Variants in CTNND2 observed in about 807,000 individuals in gnomAD.
CTNND2 encodes catenin delta-2.
Under a neutral mutation model 144.4 loss-of-function variants are expected in CTNND2, and 22 were observed. The observed-to-expected ratio is 0.15, with a 90% CI of 0.11 to 0.22. CTNND2 has a LOEUF of 0.22. Ranked by LOEUF, CTNND2 falls within the 10% of genes least tolerant of loss-of-function variation. The pLI is 1.00. For synonymous variants in CTNND2, 751 were observed against 695.6 expected (o/e 1.08, Z -1.25); for missense variants, 1,353 against 1,618.8 (o/e 0.84, Z 2.82).
At chr5:11,443,625 G>C (rs1413645685) in intron 3 of CTNND2, among the ~76,000 whole-genome samples, 2 of 152,060 alleles carry the variant, frequency 1.3e-5, no homozygotes, top group African/African-American at 2.4e-5. Flanking sequence ...CTTAAGGTAT[G>C]TATGGTTACC....
intron 1 of CTNND2, among the ~76,000 whole-genome samples, chr5:11,740,781 A>C (rs1199729917): frequency 6.6e-6 from 1 of 152,216 alleles, no homozygotes; most frequent in African/African-American, 2.4e-5. Context: ...AAATTTTTGC[A>C]ATCTACCCAT....
chr5:11,654,681 C>T (rs1376747772), intron 2 of CTNND2, among the ~76,000 whole-genome samples: 2 of 151,370 alleles, frequency 1.3e-5, no homozygotes, highest in Admixed American at 6.6e-5. Flanking sequence ...ACATACAGGA[C>T]CATGTCATCT....
chr5:11,864,743 C>T (rs777804589), intron 1 of CTNND2, among the ~76,000 whole-genome samples: 1 of 152,162 alleles, frequency 6.6e-6, no homozygotes, highest in Non-Finnish European at 1.5e-5. Flanking sequence ...ATGCCTCCTC[C>T]ACCAGTTGTG....
At chr5:10,999,194 C>A (rs1344105075) in intron 18 of CTNND2, among the ~76,000 whole-genome samples, 3 of 152,114 alleles carry the variant, frequency 2.0e-5, no homozygotes, top group Non-Finnish European at 4.4e-5. Context: ...TTCCACTAGC[C>A]ATGTATATTT....
chr5:11,656,728 T>C (rs1782935901), intron 2 of CTNND2, among the ~76,000 whole-genome samples: 1 of 152,170 alleles, frequency 6.6e-6, no homozygotes, highest in Admixed American at 6.6e-5. Context: ...TTTGTAACTA[T>C]GCAAGCTCCG....
chr5:11,052,081 T>C (rs1239504598), intron 16 of CTNND2, among the ~76,000 whole-genome samples: 2 of 152,116 alleles, frequency 1.3e-5, no homozygotes, highest in Non-Finnish European at 2.9e-5. Context: ...ATGCTTTCCA[T>C]ATCAAGCTGG....
At chr5:11,388,281 C>T (rs1211217346) in intron 6 of CTNND2, among the ~76,000 whole-genome samples, 1 of 152,214 alleles carries the variant, frequency 6.6e-6, no homozygotes, top group Non-Finnish European at 1.5e-5. Flanking sequence ...CTCAGGAGCA[C>T]CAGCTACACT....
intron 1 of CTNND2, among the ~76,000 whole-genome samples, chr5:11,823,737 T>C (rs1036163572): frequency 1.1e-4 from 16 of 152,272 alleles, no homozygotes; most frequent in South Asian, 2.1e-4. Context: ...TATTGTACAG[T>C]AGTACTTTAA....
chr5:11,635,718 C>CT lies in CTNND2; in HGVS notation c.175-70663dup, dbSNP rs928027906. Among the ~76,000 whole-genome samples the CT allele has an allele frequency of 1.9e-4, 29 of 152,096 alleles. No homozygotes were observed. In the East Asian group the frequency reaches 3.7e-3, roughly 19 times the overall value. ...GAACATTCTACATAGGAAAGAATAT[C>CT]TTTTTTTTCTTATAACATAGATGGG... On this transcript the variant is annotated intron_variant, in intron 2 of 21. Coordinates refer to ENST00000304623, the MANE Select transcript of CTNND2 (RefSeq NM_001332.4).
chr5:11,270,476 A>G (rs1172658541), intron 9 of CTNND2, among the ~76,000 whole-genome samples: 1 of 152,120 alleles, frequency 6.6e-6, no homozygotes, highest in South Asian at 2.1e-4. Context: ...TGTGGTAAAA[A>G]AAAAAAAAAA....
chr5:11,350,622 A>C (rs1228539567), intron 8 of CTNND2, among the ~76,000 whole-genome samples: 1 of 152,202 alleles, frequency 6.6e-6, no homozygotes, highest in Admixed American at 6.5e-5. Flanking sequence ...GAAAATTTCA[A>C]AATATAAAAC....
At chr5:11,366,167 T>A (rs989699285) in intron 7 of CTNND2, among the ~76,000 whole-genome samples, 2 of 152,178 alleles carry the variant, frequency 1.3e-5, no homozygotes, top group Non-Finnish European at 2.9e-5. Flanking sequence ...GGATGTTAGG[T>A]CTGTTTTGTC....
chr5:11,732,752 G>A (rs1485838160), intron 1 of CTNND2, among the ~76,000 whole-genome samples: 2 of 152,090 alleles, frequency 1.3e-5, no homozygotes, highest in East Asian at 1.9e-4. Flanking sequence ...GGTACTGGGT[G>A]TGTCAGGTCT....
chr5:11,615,917 C>G (rs886341537), intron 2 of CTNND2, among the ~76,000 whole-genome samples: 2 of 152,188 alleles, frequency 1.3e-5, no homozygotes, highest in Non-Finnish European at 1.5e-5. Flanking sequence ...GGTGGACCAT[C>G]AGAAGTCTCA....
chr5:10,975,825 G>A (rs1305753404), intron 21 of CTNND2, among the ~76,000 whole-genome samples: 1 of 152,234 alleles, frequency 6.6e-6, no homozygotes, highest in African/African-American at 2.4e-5. Context: ...AAGGGTTATA[G>A]CTCTCCTCCA....
At chr5:11,769,764 G>A (rs1283480891) in intron 1 of CTNND2, among the ~76,000 whole-genome samples, 5 of 152,106 alleles carry the variant, frequency 3.3e-5, no homozygotes, top group Non-Finnish European at 7.3e-5. Context: ...TACAGTATAA[G>A]TGATTAATAA....
intron 1 of CTNND2, among the ~76,000 whole-genome samples, chr5:11,853,588 T>C (rs1024183182): frequency 1.3e-5 from 2 of 152,204 alleles, no homozygotes; most frequent in Non-Finnish European, 2.9e-5. Flanking sequence ...TTAGATCCAC[T>C]GACAGCTGGG....
chr5:11,740,028 C>T (rs949391547), intron 1 of CTNND2, among the ~76,000 whole-genome samples: 6 of 151,988 alleles, frequency 3.9e-5, no homozygotes, highest in South Asian at 4.2e-4. Context: ...CACTGCTCAA[C>T]GAAATAAAAG....
At chr5:11,714,808 C>CTGAAGCAGGAGAATGGCA (rs1416974109) in intron 2 of CTNND2, among the ~76,000 whole-genome samples, 10 of 151,502 alleles carry the variant, frequency 6.6e-5, no homozygotes, top group African/African-American at 2.2e-4. Flanking sequence ...ACTCGGGAGG[C>CTGAAGCAGGAGAATGGCA]TGAAGCAGGA....
Sources: gnomAD v4.1 joint callset for allele counts (sites outside exome capture counted in the v4.1 genomes callset) on GRCh38, gnomAD v4.1.1 for gene constraint, MANE v1.5 for transcripts, NCBI Gene and HGNC (gene_info 2026-07-23, HGNC 2026-07-21) for gene names.